SLC44A1: variants seen among roughly 807,000 people sequenced by gnomAD.
The protein encoded by SLC44A1 is solute carrier family 44 member 1.
In SLC44A1, 26 loss-of-function variants were observed where a neutral mutation model predicts 79.3. The ratio of observed to expected loss-of-function variants is 0.33; its 90% CI spans 0.24 to 0.46. SLC44A1 has a LOEUF of 0.46. SLC44A1 is among the 20% of genes least tolerant of loss of function. The pLI is 1.00. For synonymous variants in SLC44A1, 263 were observed against 286.2 expected, an observed-to-expected ratio of 0.92 and a Z score of 0.82; for missense variants, 688 against 798.1, an observed-to-expected ratio of 0.86 and a Z score of 1.66.
At chr9:105,355,446 A>G (rs1012326470) in intron 5 of SLC44A1, among the ~76,000 whole-genome samples, 2 of 152,246 alleles carry the variant, frequency 1.3e-5, no homozygotes, top group Non-Finnish European at 2.9e-5. Context: ...AAAATAGCCC[A>G]GAATTATGTG....
chr9:105,405,239 TGAATC>T (rs774457561), intron 15 of SLC44A1, among the ~76,000 whole-genome samples: 52 of 151,724 alleles, frequency 3.4e-4, no homozygotes, highest in Admixed American at 9.8e-4. Flanking sequence ...GAGAATCTCT[TGAATC>T]GGGGAGGCGG....
chr9:105,319,714 A>G (rs1826325794), intron 3 of SLC44A1, among the ~76,000 whole-genome samples: 1 of 152,206 alleles, frequency 6.6e-6, no homozygotes, highest in Non-Finnish European at 1.5e-5. Flanking sequence ...CACTCCTATA[A>G]GGCTTAGAAA....
Position 105,395,085 on chromosome 9 carries a change from T to C in SLC44A1, c.*6029T>C, listed in dbSNP as rs1588866329. The C allele has an allele frequency of 2.0e-6, 2 of 985,454 alleles. No homozygotes were observed. The highest frequency in any genetic ancestry group is 2.4e-6 in the Non-Finnish European group (2 of 829,936). The allele number at this position is 985,454 out of a possible 1,614,324, so 61.0% of individuals were successfully genotyped here. A position where few individuals can be genotyped will look rare whatever the true frequency, so the allele number is the denominator to read the frequency against. ...TTTGATCCCAGTGGCTCATGACTTATAGTCAGGCATCAAACCATTTCCTAC... is the reference window on the plus strand; with the variant it reads ...TTTGATCCCAGTGGCTCATGACTTACAGTCAGGCATCAAACCATTTCCTAC... On this transcript the variant is annotated 3_prime_UTR_variant, in exon 16 of 16. Coordinates refer to ENST00000374720, the MANE Select transcript of SLC44A1 (RefSeq NM_080546.5).
intron 1 of SLC44A1, among the ~76,000 whole-genome samples, chr9:105,265,444 G>C (rs1220807378): frequency 6.6e-6 from 1 of 152,200 alleles, no homozygotes. Flanking sequence ...CATTTGAGAT[G>C]CATCCATGCT....
At chr9:105,325,441 T>C (rs868450744) in intron 3 of SLC44A1, among the ~76,000 whole-genome samples, 2 of 152,312 alleles carry the variant, frequency 1.3e-5, no homozygotes, top group South Asian at 2.1e-4. Context: ...AATGTATTTC[T>C]TATAATTATG....
At chr9:105,274,543 C>G (rs1036761538) in intron 1 of SLC44A1, among the ~76,000 whole-genome samples, 26 of 152,272 alleles carry the variant, frequency 1.7e-4, no homozygotes, top group African/African-American at 6.3e-4. Flanking sequence ...CATAAATTAC[C>G]TTGGCTATTG....
At chr9:105,323,076 C>A (rs1332090034) in intron 3 of SLC44A1, among the ~76,000 whole-genome samples, 2 of 149,990 alleles carry the variant, frequency 1.3e-5, no homozygotes, top group East Asian at 3.9e-4. Flanking sequence ...CACCACCAGG[C>A]GTGGTGGCGG....
intron 15 of SLC44A1, among the ~76,000 whole-genome samples, chr9:105,427,505 G>T (rs966970744): frequency 6.6e-6 from 1 of 151,600 alleles, no homozygotes; most frequent in Admixed American, 6.6e-5. Context: ...AAACTCCTGG[G>T]CTCAAGCAAG....
chr9:105,365,333 T>C, intron 10 of SLC44A1, 150 bp from the exon 11 acceptor site: 1 of 604,386 alleles, frequency 1.7e-6, no homozygotes, highest in Non-Finnish European at 2.9e-6. Context: ...TTTGTAATAG[T>C]TATATATCAC....
intron 3 of SLC44A1, among the ~76,000 whole-genome samples, chr9:105,325,758 A>G (rs1348607517): frequency 6.6e-6 from 1 of 152,228 alleles, no homozygotes; most frequent in African/African-American, 2.4e-5. Context: ...TTATACCATA[A>G]CAGATGAGGA....
At chr9:105,387,052 A>T (rs1449460397) in intron 15 of SLC44A1, among the ~76,000 whole-genome samples, 41 of 1,268 alleles carry the variant, frequency 0.032, 1 homozygote, top group African/African-American at 0.049. Context: ...AAAAAAAAAA[A>T]AAAAAAAAAT....
intron 2 of SLC44A1, among the ~76,000 whole-genome samples, chr9:105,305,429 T>G (rs1831001862): frequency 6.6e-6 from 1 of 152,192 alleles, no homozygotes; most frequent in Non-Finnish European, 1.5e-5. Context: ...CCTTTTATCC[T>G]GCCCTATCTG....
At chr9:105,246,994 C>T (rs1829469796) in intron 1 of SLC44A1, among the ~76,000 whole-genome samples, 1 of 152,162 alleles carries the variant, frequency 6.6e-6, no homozygotes, top group Admixed American at 6.5e-5. Context: ...TTCCTATAAC[C>T]AATCAACAGC....
chr9:105,414,767 C>G (rs1403904700), intron 15 of SLC44A1, among the ~76,000 whole-genome samples: 3 of 151,890 alleles, frequency 2.0e-5, no homozygotes, highest in African/African-American at 7.3e-5. Flanking sequence ...TGTGAATAGC[C>G]ACTGCACTCC....
intron 15 of SLC44A1, among the ~76,000 whole-genome samples, chr9:105,430,501 A>C (rs1441721736): frequency 1.3e-5 from 2 of 152,110 alleles, no homozygotes; most frequent in East Asian, 3.9e-4. Flanking sequence ...CCTATTTTGG[A>C]TTCACGTGAA....
intron 1 of SLC44A1, among the ~76,000 whole-genome samples, chr9:105,253,621 C>T (rs1829637009): frequency 6.6e-6 from 1 of 152,148 alleles, no homozygotes; most frequent in African/African-American, 2.4e-5. Flanking sequence ...GTCTCAGCTA[C>T]TCAGGAGGCT....
chr9:105,265,081 C>T (rs1171723735), intron 1 of SLC44A1, among the ~76,000 whole-genome samples: 1 of 152,196 alleles, frequency 6.6e-6, no homozygotes, highest in Non-Finnish European at 1.5e-5. Flanking sequence ...CAGGTGTGAG[C>T]CACCGTGCCA....
At chr9:105,437,945 T>C (rs1274397440) in intron 15 of SLC44A1, among the ~76,000 whole-genome samples, 1 of 152,230 alleles carries the variant, frequency 6.6e-6, no homozygotes, top group African/African-American at 2.4e-5. Flanking sequence ...TTCCTTGATA[T>C]GTGTCAGACA....
chr9:105,245,572 C>T (rs536536906), intron 1 of SLC44A1, among the ~76,000 whole-genome samples: 1 of 152,326 alleles, frequency 6.6e-6, no homozygotes, highest in Non-Finnish European at 1.5e-5. Context: ...CACTCGGAGG[C>T]CCCTGCGGGA....
Sources: allele counts gnomAD v4.1 joint callset (sites outside exome capture counted in the v4.1 genomes callset), GRCh38; gene constraint gnomAD v4.1.1; transcripts MANE v1.5; gene names NCBI Gene and HGNC (gene_info 2026-07-23, HGNC 2026-07-21).